GCA: variants seen among roughly 807,000 people sequenced by gnomAD.
GCA encodes the protein grancalcin, also known as grancalcin, EF-hand calcium-binding protein.
Under a neutral mutation model 32.6 loss-of-function variants are expected in GCA, and 30 were observed. That is an observed-to-expected ratio of 0.92 (90% CI 0.69 to 1.25). GCA has a LOEUF of 1.25. Among genes scored for constraint, GCA ranks in the 50% most tolerant of loss-of-function variants. The pLI, the probability that GCA is intolerant of heterozygous loss-of-function variation, is 0.00. For synonymous variants in GCA, 102 were observed against 84.6 expected (o/e 1.21, Z -1.13); for missense variants, 291 against 266.8 (o/e 1.09, Z -0.63).
At chr2:162,338,537 C>T (rs1289969188) in intron 1 of GCA, among the ~76,000 whole-genome samples, 2 of 152,086 alleles carry the variant, frequency 1.3e-5, no homozygotes, top group East Asian at 1.9e-4. Flanking sequence ...ATTACAGAAG[C>T]GGGTTACTAA....
At chr2:162,334,729 A>G (rs771046116) in intron 1 of GCA, among the ~76,000 whole-genome samples, 15 of 152,180 alleles carry the variant, frequency 9.9e-5, no homozygotes, top group African/African-American at 3.6e-4. Flanking sequence ...TGTCTTCATT[A>G]TTTTTGAATC....
At position 162,361,980 on chromosome 2, in the gene GCA, A is replaced by G. The variant is rs1344048850; in HGVS notation, c.*1737A>G. 9.2e-6 allele frequency: 9 copies of G among 983,448 alleles called. No homozygotes were observed. Among genetic ancestry groups the G allele is most frequent in the African/African-American group, 1.8e-5 (1 of 57,126 alleles). 60.9% of individuals were successfully genotyped at this position (983,448 alleles called of 1,614,324 possible). On this transcript the variant is annotated 3_prime_UTR_variant, in exon 8 of 8. Coordinates refer to ENST00000437150, the MANE Select transcript of GCA (RefSeq NM_012198.5). ...TACTTGGAGGCTCACAGTTGAGGTAAAACTTTTAAAATGACAAATGGTATT... is the reference window on the plus strand; with the variant it reads ...TACTTGGAGGCTCACAGTTGAGGTAGAACTTTTAAAATGACAAATGGTATT...
At chr2:162,344,086 C>A (rs1207320067), upstream of GCA, 3 of 704,946 alleles carry the variant, frequency 4.3e-6, no homozygotes, top group Non-Finnish European at 7.5e-6. Flanking sequence ...CAGGGCGGGG[C>A]TGGCCTGCGG....
chr2:162,354,114 AT>A (rs1224588528), intron 3 of GCA, among the ~76,000 whole-genome samples: 1 of 150,372 alleles, frequency 6.7e-6, no homozygotes, highest in Non-Finnish European at 1.5e-5. Context: ...TTTTCTCCTC[AT>A]TTTGCTTGTT....
chr2:162,351,584 A>G (rs1685004605), intron 2 of GCA, among the ~76,000 whole-genome samples: 1 of 152,168 alleles, frequency 6.6e-6, no homozygotes, highest in Non-Finnish European at 1.5e-5. Flanking sequence ...AGTAGTTTAG[A>G]AAAGTTTTTT....
chr2:162,339,196 G>T (rs1684364858), upstream of GCA, among the ~76,000 whole-genome samples: 1 of 152,020 alleles, frequency 6.6e-6, no homozygotes, highest in Non-Finnish European at 1.5e-5. Flanking sequence ...ATACTGAAAG[G>T]AACAACTTCG....
In GCA at chr2:162,344,150, A is replaced by ACCTGCAGCTGCGCCTC; in HGVS notation, c.-97_-82dup. 7.6e-7 allele frequency: 1 copy of ACCTGCAGCTGCGCCTC among 1,307,304 alleles called. No individual in the cohort carries two copies. The highest frequency in any genetic ancestry group is 1.2e-5 in the South Asian group (1 of 82,602). 81.0% of individuals were successfully genotyped at this position (1,307,304 alleles called of 1,614,324 possible). A position where few individuals can be genotyped will look rare whatever the true frequency, so the allele number is the denominator to read the frequency against. Reference sequence around the variant, plus strand: ...TGCGGTTAGTGCGCCTTTCAGCCTCACCTGCAGCTGCGCCTCCTTGCACCT... The same window carrying ACCTGCAGCTGCGCCTC: ...TGCGGTTAGTGCGCCTTTCAGCCTCACCTGCAGCTGCGCCTCCCTGCAGCTGCGCCTCCTTGCACCT... On this transcript the variant is annotated 5_prime_UTR_variant, in exon 1 of 8. Transcript: ENST00000437150.
intron 2 of GCA, among the ~76,000 whole-genome samples, chr2:162,350,833 AT>A (rs775106351): frequency 6.6e-6 from 1 of 152,210 alleles, no homozygotes; most frequent in Non-Finnish European, 1.5e-5. Context: ...ATATATAAAC[AT>A]TTGATAAATG....
chr2:162,359,160 A>G lies in GCA; in HGVS notation c.568+3A>G. On this transcript the variant is annotated splice_donor_region_variant and intron_variant, in intron 6 of 7. Coordinates refer to ENST00000437150, the MANE Select transcript of GCA (RefSeq NM_012198.5). ...TGTGAAGCTTCGAGCATTGACAGGTATTGACTATTTAAAACTAAGTGCACA... is the reference window on the plus strand; with the variant it reads ...TGTGAAGCTTCGAGCATTGACAGGTGTTGACTATTTAAAACTAAGTGCACA... 2.0e-6 allele frequency: 3 copies of G among 1,537,054 alleles called. No homozygotes were observed. Among genetic ancestry groups the G allele is most frequent in the Non-Finnish European group, 9.0e-7 (1 of 1,111,902 alleles).
chr2:162,356,355 T>C (rs1470787336), intron 3 of GCA, 83 bp from the exon 4 acceptor site: 2 of 813,490 alleles, frequency 2.5e-6, no homozygotes, highest in Admixed American at 2.0e-5. Flanking sequence ...TTTTAATGTT[T>C]TATTTTGAAA....
intron 2 of GCA, among the ~76,000 whole-genome samples, chr2:162,349,259 G>A (rs750951632): frequency 3.9e-5 from 6 of 151,958 alleles, no homozygotes; most frequent in Admixed American, 1.3e-4. Flanking sequence ...TTATCTAAAA[G>A]TAAATGTAAA....
At chr2:162,350,191 A>T (rs1415653144) in intron 2 of GCA, among the ~76,000 whole-genome samples, 1 of 152,166 alleles carries the variant, frequency 6.6e-6, no homozygotes, top group Non-Finnish European at 1.5e-5. Context: ...CCCCAAATGA[A>T]AAAAGCCTTA....
chr2:162,365,284 T>C (rs1685716627), downstream of GCA, among the ~76,000 whole-genome samples: 1 of 151,584 alleles, frequency 6.6e-6, no homozygotes, highest in Non-Finnish European at 1.5e-5. Context: ...CTTGTACATT[T>C]CTCTTAGCTA....
At chr2:162,355,050 A>G (rs1438857512) in intron 3 of GCA, among the ~76,000 whole-genome samples, 1 of 152,226 alleles carries the variant, frequency 6.6e-6, no homozygotes, top group Non-Finnish European at 1.5e-5. Flanking sequence ...AAAGCAAAAT[A>G]GATATTATTT....
rs748062506 is a variant in GCA at position 162,322,385 on chromosome 2, CTTTATTTA to C, written c.-31+3187_-31+3194del. Among the ~76,000 whole-genome samples, 926 of 148,952 alleles carry C rather than the reference CTTTATTTA, an allele frequency of 6.2e-3. 18 individuals carry two copies. The highest frequency in any genetic ancestry group is 0.02 in the African/African-American group (802 of 40,196). On this transcript the variant is annotated intron_variant, in intron 1 of 4. Coordinates refer to the GCA transcript ENST00000429691. ...GCTAGATTGTAATTGTTTTATTTTA[CTTTATTTA>C]TTTATTTATTTATTTATTTATTTAT...
intron 1 of GCA, among the ~76,000 whole-genome samples, chr2:162,330,597 T>A (rs560650826): frequency 2.6e-5 from 4 of 152,356 alleles, no homozygotes; most frequent in South Asian, 4.1e-4. Flanking sequence ...TCTGAACCTA[T>A]GTCCAGATTA....
At position 162,332,142 on chromosome 2, in the gene GCA, T is replaced by C. The variant is rs571656421; in HGVS notation, c.-31+12917T>C. ...GGCTAACATGGTGAAACCCTGTCTC[T>C]ACTAAAAATACAAAAAATTAGCCGA... On this transcript the variant is annotated intron_variant, in intron 1 of 4. Coordinates refer to the GCA transcript ENST00000429691. Among the ~76,000 whole-genome samples, 7 of 151,620 alleles carry C rather than the reference T, an allele frequency of 4.6e-5. No individual in the cohort carries two copies. The East Asian group carries it at 1.4e-3, about 29-fold the overall frequency.
chr2:162,354,143 T>C (rs1685140316), intron 3 of GCA, among the ~76,000 whole-genome samples: 1 of 152,216 alleles, frequency 6.6e-6, no homozygotes, highest in Non-Finnish European at 1.5e-5. Flanking sequence ...TCTTTCATGT[T>C]AGGTGCTTTT....
At chr2:162,319,216 G>A (rs1683579696) in exon 1 of GCA, 1 of 457,070 alleles carries the variant, frequency 2.2e-6, no homozygotes, top group Non-Finnish European at 4.4e-6. Flanking sequence ...GTTTCCCTGG[G>A]AATTTGGAGG....
Sources: allele counts gnomAD v4.1 joint callset (sites outside exome capture counted in the v4.1 genomes callset), GRCh38; gene constraint gnomAD v4.1.1; transcripts MANE v1.5; gene names NCBI Gene and HGNC (gene_info 2026-07-23, HGNC 2026-07-21).